ENOX1: variants seen among roughly 807,000 people sequenced by gnomAD.
The protein encoded by ENOX1 is ecto-NOX disulfide-thiol exchanger 1, also known as candidate growth-related and time keeping constitutive hydroquinone (NADH) oxidase.
In ENOX1, 42 loss-of-function variants were observed where a neutral mutation model predicts 82.5. The observed-to-expected ratio is 0.51, with a 90% CI of 0.40 to 0.66. The LOEUF is 0.66. ENOX1 is among the 30% of genes least tolerant of loss of function. ENOX1 has a pLI of 0.00. For missense variants in ENOX1, 608 were observed against 811.6 expected (o/e 0.75, Z 3.05); for synonymous variants, 271 against 282.2 (o/e 0.96, Z 0.40).
At chr13:43,250,200 T>C (rs2043371596) in intron 14 of ENOX1, among the ~76,000 whole-genome samples, 1 of 152,214 alleles carries the variant, frequency 6.6e-6, no homozygotes, top group South Asian at 2.1e-4. Flanking sequence ...CAGGCAGTGA[T>C]ACCCCAGGGC....
At chr13:43,628,110 T>G (rs1231781618) in intron 2 of ENOX1, among the ~76,000 whole-genome samples, 2 of 152,172 alleles carry the variant, frequency 1.3e-5, no homozygotes. Context: ...TGGGGTTTCC[T>G]CAGCTTCTTG....
At chr13:43,710,714 G>A (rs1339881733) in intron 1 of ENOX1, among the ~76,000 whole-genome samples, 2 of 151,942 alleles carry the variant, frequency 1.3e-5, no homozygotes, top group African/African-American at 4.8e-5. Context: ...CAATAGATAA[G>A]AATTAACAGA....
intron 2 of ENOX1, among the ~76,000 whole-genome samples, chr13:43,599,870 C>T (rs1226168692): frequency 6.6e-6 from 1 of 151,696 alleles, no homozygotes; most frequent in Non-Finnish European, 1.5e-5. Flanking sequence ...GACAAGGGCA[C>T]CAGGCAAAGT....
At chr13:43,737,396 G>C (rs1177163907) in intron 1 of ENOX1, among the ~76,000 whole-genome samples, 1 of 152,202 alleles carries the variant, frequency 6.6e-6, no homozygotes, top group African/African-American at 2.4e-5. Flanking sequence ...GATCTCTGAA[G>C]AATCTCTGCA....
chr13:43,640,886 A>G (rs1274517667), intron 2 of ENOX1, among the ~76,000 whole-genome samples: 3 of 130,066 alleles, frequency 2.3e-5, no homozygotes, highest in Admixed American at 8.6e-5. Context: ...ACACACGCGC[A>G]CACACACACG....
intron 1 of ENOX1, among the ~76,000 whole-genome samples, chr13:43,763,599 C>T (rs959035602): frequency 6.6e-6 from 1 of 152,154 alleles, no homozygotes; most frequent in African/African-American, 2.4e-5. Context: ...CTCACTACAA[C>T]CCCAACCTCA....
chr13:43,362,562 G>A (rs1010204473), intron 5 of ENOX1, among the ~76,000 whole-genome samples: 18 of 136,348 alleles, frequency 1.3e-4, no homozygotes, highest in African/African-American at 4.6e-4. Context: ...CCCTGCCCCC[G>A]ACAACCCCTT....
chr13:43,609,174 G>A (rs1456492444), intron 2 of ENOX1, among the ~76,000 whole-genome samples: 1 of 151,960 alleles, frequency 6.6e-6, no homozygotes. Context: ...ATATACATAG[G>A]TACTTCTTTA....
At chr13:43,395,713 G>A (rs1266991852) in intron 5 of ENOX1, among the ~76,000 whole-genome samples, 4 of 152,128 alleles carry the variant, frequency 2.6e-5, no homozygotes, top group African/African-American at 9.7e-5. Context: ...TCTCATGAAT[G>A]TGATCCGAAG....
At chr13:43,445,442 A>G (rs1250556558) in intron 3 of ENOX1, among the ~76,000 whole-genome samples, 4 of 151,022 alleles carry the variant, frequency 2.6e-5, no homozygotes, top group African/African-American at 9.7e-5. Context: ...GGTCTTATAC[A>G]TTTCTTTTTT....
At chr13:43,486,894 G>A (rs1044173037) in intron 2 of ENOX1, among the ~76,000 whole-genome samples, 4 of 152,304 alleles carry the variant, frequency 2.6e-5, no homozygotes, top group Middle Eastern at 3.4e-3. Context: ...AAATGTTGGC[G>A]GGATGCAGTG....
intron 14 of ENOX1, among the ~76,000 whole-genome samples, chr13:43,246,355 G>A (rs61951861): frequency 0.059 from 9,021 of 152,240 alleles, 370 homozygotes; most frequent in Non-Finnish European, 0.086. Context: ...TGCCTGTGGC[G>A]CTCTGTGACC....
intron 1 of ENOX1, among the ~76,000 whole-genome samples, chr13:43,685,362 G>T (rs918067082): frequency 5.9e-4 from 90 of 152,244 alleles, no homozygotes; most frequent in Admixed American, 1.2e-3. Context: ...CTCTGTGTAG[G>T]ACTCATAGCT....
intron 13 of ENOX1, among the ~76,000 whole-genome samples, chr13:43,265,673 T>A (rs534451383): frequency 4.1e-4 from 62 of 152,252 alleles, no homozygotes; most frequent in African/African-American, 1.1e-3. Flanking sequence ...AATAAATGGG[T>A]CTTGGTCATT....
intron 2 of ENOX1, among the ~76,000 whole-genome samples, chr13:43,538,794 T>C (rs1049799376): frequency 6.8e-6 from 1 of 147,676 alleles, no homozygotes; most frequent in African/African-American, 2.5e-5. Context: ...AAAATGTTAA[T>C]AGACTTCTCA....
At chr13:43,368,492 C>T (rs769244593) in intron 5 of ENOX1, among the ~76,000 whole-genome samples, 2 of 152,214 alleles carry the variant, frequency 1.3e-5, no homozygotes, top group Non-Finnish European at 2.9e-5. Context: ...ACTTGAAAAG[C>T]AAGTGTGTTT....
intron 1 of ENOX1, among the ~76,000 whole-genome samples, chr13:43,739,482 G>A (rs2089793787): frequency 6.6e-6 from 1 of 152,046 alleles, no homozygotes; most frequent in Non-Finnish European, 1.5e-5. Flanking sequence ...TCAGGAGGTG[G>A]AGGCTGCAGT....
At chr13:43,418,172 A>G (rs1398168251) in intron 3 of ENOX1, among the ~76,000 whole-genome samples, 1 of 152,028 alleles carries the variant, frequency 6.6e-6, no homozygotes, top group Non-Finnish European at 1.5e-5. Context: ...ACACCACTGC[A>G]CTCCAGCCTA....
chr13:43,573,516 G>A (rs958441845), intron 2 of ENOX1, among the ~76,000 whole-genome samples: 2 of 152,182 alleles, frequency 1.3e-5, no homozygotes, highest in Non-Finnish European at 2.9e-5. Context: ...AAGAGAGGGC[G>A]TGACATTAGC....
Sources: allele counts gnomAD v4.1 joint callset (sites outside exome capture counted in the v4.1 genomes callset), GRCh38; gene constraint gnomAD v4.1.1; transcripts MANE v1.5; gene names NCBI Gene and HGNC (gene_info 2026-07-23, HGNC 2026-07-21).